Variants in PCSK5 observed in about 807,000 individuals in gnomAD.
PCSK5 encodes prohormone convertase 5.
In PCSK5, 129 loss-of-function variants were observed where a neutral mutation model predicts 233.2. The ratio of observed to expected loss-of-function variants is 0.55; its 90% CI spans 0.48 to 0.64. The LOEUF is 0.64. Among genes scored for constraint, PCSK5 ranks in the 30% least tolerant of loss-of-function variants. PCSK5 has a pLI of 0.00. For synonymous variants in PCSK5, 825 were observed against 879.2 expected, an observed-to-expected ratio of 0.94 and a Z score of 1.09; for missense variants, 2,076 against 2,430.1, an observed-to-expected ratio of 0.85 and a Z score of 3.06.
chr9:76,345,855 G>A (rs1829966518), intron 35 of PCSK5, among the ~76,000 whole-genome samples: 2 of 152,120 alleles, frequency 1.3e-5, no homozygotes, highest in Admixed American at 6.6e-5. Context: ...GAGTAGCTGG[G>A]ACTACAGGCG....
chr9:76,212,315 G>A (rs561694398), intron 20 of PCSK5, among the ~76,000 whole-genome samples: 2 of 152,274 alleles, frequency 1.3e-5, no homozygotes, highest in South Asian at 2.1e-4. Context: ...GTGAGCGTCT[G>A]CACTATATTT....
At position 76,184,695 on chromosome 9, in the gene PCSK5, C is replaced by T. The variant is rs968588524; in HGVS notation, c.2220C>T (p.Cys740=). The change falls in exon 17 of 38, where the codon TGC becomes TGT. Residue 740 remains cysteine (C), a synonymous_variant. Coordinates refer to ENST00000674117, the MANE Select transcript of PCSK5 (RefSeq NM_001372043.1). ...CAGAGAAAAATCTTTGCCGGAAATGCAGTGAAAACTGCAAGACATGTACTG... is the reference window on the plus strand; with the variant it reads ...CAGAGAAAAATCTTTGCCGGAAATGTAGTGAAAACTGCAAGACATGTACTG... ...QDTKKNLCRK[C]SENCKTCTEF... is the part of the protein sequence containing the mutation. 5 of 1,609,556 alleles carry T rather than the reference C, an allele frequency of 3.1e-6. No homozygotes were observed. The highest frequency in any genetic ancestry group is 3.3e-5 in the Admixed American group (2 of 59,872).
chr9:76,017,001 T>G (rs1827974518), intron 3 of PCSK5, among the ~76,000 whole-genome samples: 1 of 151,486 alleles, frequency 6.6e-6, no homozygotes, highest in South Asian at 2.1e-4. Context: ...CTCTTAACAT[T>G]TCTAACTGAG....
At chr9:76,282,407 C>T (rs1173720391) in intron 24 of PCSK5, among the ~76,000 whole-genome samples, 1 of 145,304 alleles carries the variant, frequency 6.9e-6, no homozygotes, top group South Asian at 2.2e-4. Context: ...GCAGCCTTGA[C>T]CTCCGAGGCT....
Position 76,064,564 on chromosome 9 carries a change from A to G in PCSK5, c.633-3391A>G, listed in dbSNP as rs540543837. Among the ~76,000 whole-genome samples the G allele has an allele frequency of 3.7e-3, 547 of 148,678 alleles. 3 individuals carry two copies. The highest frequency in any genetic ancestry group is 0.023 in the South Asian group (107 of 4,652). On this transcript the variant is annotated intron_variant, in intron 5 of 37. Coordinates refer to ENST00000674117, the MANE Select transcript of PCSK5 (RefSeq NM_001372043.1). The stretch of plus-strand genomic sequence containing the variant: ...TGGCTGCCGGGCGGAGACGCTCCTC[A>G]CTTCCCAGATGGGGTGGCTGCCGGG...
In PCSK5 at chr9:76,328,130, C is replaced by G. The variant is rs779905889; in HGVS notation, c.4461C>G (p.Tyr1487Ter). ...MANEKCSPSE[Y>*]WDEDAPGCKP... Reference sequence around the variant, plus strand: ...ACGAGAAGTGCTCACCCTCCGAGTACTGGGATGAGGATGCTCCCGGGTGCA... The same window carrying G: ...ACGAGAAGTGCTCACCCTCCGAGTAGTGGGATGAGGATGCTCCCGGGTGCA... Residue 1487 changes from tyrosine (Y) to a stop codon, truncating the protein, a stop_gained, in exon 33 of 38, where the codon TAC becomes TAG. Transcript: ENST00000674117. LOFTEE classifies it high-confidence loss of function. The G allele has an allele frequency of 6.2e-7, 1 of 1,612,848 alleles. No homozygotes were observed. Among genetic ancestry groups the G allele is most frequent in the Non-Finnish European group, 8.5e-7 (1 of 1,179,820 alleles).
At chr9:76,040,347 C>G (rs1029374146) in intron 5 of PCSK5, among the ~76,000 whole-genome samples, 12 of 49,692 alleles carry the variant, frequency 2.4e-4, no homozygotes, top group Admixed American at 1.3e-3. Flanking sequence ...CTCTCTCTCT[C>G]TCTCTCTCTC....
At position 76,296,841 on chromosome 9, in the gene PCSK5, C is replaced by G. The variant is rs757131710; in HGVS notation, c.3499C>G (p.Gln1167Glu). The change falls in exon 27 of 38, where the codon CAG (glutamine) becomes GAG (glutamate). Residue 1167 changes from glutamine (Q) to glutamate (E), a missense_variant. By Grantham distance (29) the Gln-to-Glu change is conservative. Around this residue, in one of 6 missense-constraint regions of PCSK5, gnomAD observed 1,510 missense variants for 1,538.1 expected, o/e 0.98. Transcript: ENST00000674117. ...GATGTGCGTGCATGCCACCAAGACC[C>G]AGGAGGAGGGCAAATTCTGGAATGG... is the stretch of plus-strand genomic sequence containing the variant. Reference protein sequence around the residue: ...RGMCVHATKTQEEGKFWNEAV... With the variant: ...RGMCVHATKTEEEGKFWNEAV... 1 of 1,611,402 alleles carries G rather than the reference C, an allele frequency of 6.2e-7. No homozygotes were observed. Among genetic ancestry groups the G allele is most frequent in the South Asian group, 1.1e-5 (1 of 91,000 alleles).
chr9:76,040,177 T>A (rs927186097), intron 5 of PCSK5, among the ~76,000 whole-genome samples: 1 of 152,182 alleles, frequency 6.6e-6, no homozygotes, highest in Admixed American at 6.5e-5. Context: ...CAAAGACTGC[T>A]CGGTAGTATG....
chr9:76,010,979 C>G (rs1349429320), intron 3 of PCSK5, among the ~76,000 whole-genome samples: 1 of 152,148 alleles, frequency 6.6e-6, no homozygotes. Flanking sequence ...TGTCCTTGCT[C>G]TATACATGAA....
At chr9:76,264,314 G>A (rs1157720335) in intron 24 of PCSK5, among the ~76,000 whole-genome samples, 1 of 151,968 alleles carries the variant, frequency 6.6e-6, no homozygotes, top group Admixed American at 6.6e-5. Context: ...AACTCAAGAT[G>A]GATTAAAGAT....
intron 28 of PCSK5, among the ~76,000 whole-genome samples, chr9:76,304,139 T>G (rs1447778789): frequency 6.6e-6 from 1 of 152,134 alleles, no homozygotes; most frequent in Admixed American, 6.5e-5. Flanking sequence ...ACCACTGCAC[T>G]CCAGCCTAGG....
chr9:75,912,228 GA>G (rs1034188313), intron 1 of PCSK5, among the ~76,000 whole-genome samples: 2 of 152,058 alleles, frequency 1.3e-5, no homozygotes. Flanking sequence ...GTGAGGGAAA[GA>G]AATGAGCCTT....
chr9:76,337,656 T>C (rs1273872030), intron 34 of PCSK5, among the ~76,000 whole-genome samples: 1 of 152,084 alleles, frequency 6.6e-6, no homozygotes, highest in Non-Finnish European at 1.5e-5. Flanking sequence ...GTATTTTTAG[T>C]AGAGACAGGG....
rs371983666 is a variant in PCSK5 at position 76,116,646 on chromosome 9, A to C, written c.1208+9295A>C. On this transcript the variant is annotated intron_variant, in intron 9 of 37. Transcript: ENST00000674117. ...AGCCTTCAATGAATGCTTTATGCCAAATACTGAGCTGAGTGTTTATATTGG... is the reference window on the plus strand; with the variant it reads ...AGCCTTCAATGAATGCTTTATGCCACATACTGAGCTGAGTGTTTATATTGG... Among the ~76,000 whole-genome samples, 29 of 152,266 alleles carry C rather than the reference A, an allele frequency of 1.9e-4. No homozygotes were observed. In the South Asian group the frequency reaches 5.6e-3, roughly 29 times the overall value.
chr9:76,178,597 C>G (rs1441655164), intron 14 of PCSK5, among the ~76,000 whole-genome samples: 3 of 152,134 alleles, frequency 2.0e-5, no homozygotes, highest in African/African-American at 7.2e-5. Flanking sequence ...GAAACATAGT[C>G]CCATAATGAC....
At chr9:75,970,965 G>A (rs1245684315) in intron 2 of PCSK5, among the ~76,000 whole-genome samples, 3 of 152,010 alleles carry the variant, frequency 2.0e-5, no homozygotes, top group Admixed American at 6.6e-5. Flanking sequence ...CATGCAGGAC[G>A]TGCAGGTTTG....
At chr9:76,006,114 C>G (rs1231425202) in intron 3 of PCSK5, among the ~76,000 whole-genome samples, 1 of 151,692 alleles carries the variant, frequency 6.6e-6, no homozygotes, top group Non-Finnish European at 1.5e-5. Context: ...AATGGCATCT[C>G]TGTGTGTTTT....
intron 35 of PCSK5, among the ~76,000 whole-genome samples, chr9:76,344,146 T>A (rs1372860481): frequency 6.6e-6 from 1 of 152,222 alleles, no homozygotes; most frequent in East Asian, 1.9e-4. Flanking sequence ...TACCTGTGGC[T>A]AGTGGCTGCT....
Sources: allele counts gnomAD v4.1 joint callset (sites outside exome capture counted in the v4.1 genomes callset), GRCh38; gene constraint gnomAD v4.1.1; regional missense constraint gnomAD v4.1.1; transcripts MANE v1.5; gene names NCBI Gene and HGNC (gene_info 2026-07-23, HGNC 2026-07-21).